Variants in ATP8B4 observed in about 807,000 individuals in gnomAD.
ATP8B4 encodes probable phospholipid-transporting ATPase IM.
ATP8B4 carries 133 observed loss-of-function variants against 145.6 expected under a neutral mutation model. The observed-to-expected ratio is 0.91, with a 90% CI of 0.79 to 1.05. The LOEUF is 1.05. ATP8B4 is among the 50% of genes least tolerant of loss of function. The pLI, the probability that ATP8B4 is intolerant of heterozygous loss-of-function variation, is 0.00. For synonymous variants in ATP8B4, 507 were observed against 492.9 expected, an observed-to-expected ratio of 1.03 and a Z score of -0.38; for missense variants, 1,458 against 1,425.2, an observed-to-expected ratio of 1.02 and a Z score of -0.37.
chr15:49,933,544 T>C (rs1051283760), intron 15 of ATP8B4, among the ~76,000 whole-genome samples: 10 of 152,072 alleles, frequency 6.6e-5, no homozygotes, highest in Non-Finnish European at 1.3e-4. Context: ...ACTATTCTAA[T>C]ATCAAGGTCA....
intron 12 of ATP8B4, among the ~76,000 whole-genome samples, chr15:49,977,851 C>G (rs966447696): frequency 6.6e-6 from 1 of 151,986 alleles, no homozygotes; most frequent in Non-Finnish European, 1.5e-5. Context: ...GAAATTAATT[C>G]TTTTAATCCC....
At chr15:50,151,359 G>C (rs573470689) in intron 1 of ATP8B4, among the ~76,000 whole-genome samples, 8 of 152,318 alleles carry the variant, frequency 5.3e-5, no homozygotes, top group African/African-American at 1.9e-4. Context: ...AACCAAGGCA[G>C]ATTTAGATTT....
chr15:49,898,810 G>A (rs183906309), intron 21 of ATP8B4, among the ~76,000 whole-genome samples: 4 of 152,236 alleles, frequency 2.6e-5, no homozygotes, highest in Non-Finnish European at 4.4e-5. Context: ...TGCAAAAGGG[G>A]GGCACGCAAG....
chr15:50,103,233 G>T (rs1401358364), intron 2 of ATP8B4, among the ~76,000 whole-genome samples: 1 of 152,118 alleles, frequency 6.6e-6, no homozygotes, highest in Non-Finnish European at 1.5e-5. Context: ...AGTACTGGAA[G>T]TCCTAGCCAG....
chr15:50,092,164 G>A (rs2055652486), intron 2 of ATP8B4, among the ~76,000 whole-genome samples: 1 of 152,008 alleles, frequency 6.6e-6, no homozygotes, highest in Non-Finnish European at 1.5e-5. Flanking sequence ...TATTTGATGA[G>A]ACAAACCAAT....
chr15:49,911,985 T>C (rs997307645), intron 20 of ATP8B4, among the ~76,000 whole-genome samples: 7 of 151,856 alleles, frequency 4.6e-5, no homozygotes, highest in African/African-American at 1.4e-4. Context: ...CTCAAACATA[T>C]GAAAATGGAA....
chr15:50,029,031 G>C (rs2050216306), intron 6 of ATP8B4, among the ~76,000 whole-genome samples: 1 of 151,794 alleles, frequency 6.6e-6, no homozygotes, highest in East Asian at 1.9e-4. Flanking sequence ...TCAGGAGATT[G>C]AGACTATCCT....
intron 1 of ATP8B4, among the ~76,000 whole-genome samples, chr15:50,132,371 A>T (rs2044059577): frequency 6.6e-6 from 1 of 152,222 alleles, no homozygotes; most frequent in African/African-American, 2.4e-5. Context: ...GCTCATCATC[A>T]CTGGTCATTA....
intron 3 of ATP8B4, among the ~76,000 whole-genome samples, chr15:50,059,845 T>A (rs561578311): frequency 6.6e-6 from 1 of 152,310 alleles, no homozygotes; most frequent in Admixed American, 6.5e-5. Flanking sequence ...AGGGGTGCTA[T>A]CAATGAGACA....
intron 6 of ATP8B4, among the ~76,000 whole-genome samples, chr15:50,027,114 T>C (rs141416223): frequency 8.5e-5 from 13 of 152,214 alleles, no homozygotes; most frequent in South Asian, 4.1e-4. Context: ...TCTGAGACAA[T>C]GAAATCCCTG....
At chr15:50,121,112 T>A (rs556091267), upstream of ATP8B4, among the ~76,000 whole-genome samples, 1 of 152,320 alleles carries the variant, frequency 6.6e-6, no homozygotes, top group South Asian at 2.1e-4. Context: ...ATCTCATTTT[T>A]AAAAAATATT....
In ATP8B4 at chr15:50,082,380, A is replaced by G. The variant is rs865853844; in HGVS notation, c.29-8195T>C. Reference sequence around the variant, plus strand: ...AAAACCAAAGAGAATAGAAGGAAAAAAAAACCTTCCCACAATTTTTTTACG... The same window carrying G: ...AAAACCAAAGAGAATAGAAGGAAAAGAAAACCTTCCCACAATTTTTTTACG... On this transcript the variant is annotated intron_variant, in intron 2 of 27. Transcript: ENST00000284509. 3.2e-4 allele frequency among the ~76,000 whole-genome samples: 49 copies of G among 152,328 alleles called. No individual in the cohort carries two copies. The Middle Eastern group carries it at 0.01, about 32-fold the overall frequency.
At chr15:50,082,135 G>A (rs978889824) in intron 2 of ATP8B4, among the ~76,000 whole-genome samples, 1 of 152,046 alleles carries the variant, frequency 6.6e-6, no homozygotes, top group Non-Finnish European at 1.5e-5. Flanking sequence ...TCATAATCTG[G>A]TCCATGTAGT....
intron 13 of ATP8B4, among the ~76,000 whole-genome samples, chr15:49,970,900 C>A (rs939239702): frequency 9.9e-5 from 15 of 152,184 alleles, no homozygotes; most frequent in African/African-American, 3.4e-4. Context: ...ACCAAAACAG[C>A]ATGTACTGCT....
At chr15:49,921,322 T>C (rs1328621283) in intron 17 of ATP8B4, among the ~76,000 whole-genome samples, 1 of 152,258 alleles carries the variant, frequency 6.6e-6, no homozygotes, top group Non-Finnish European at 1.5e-5. Flanking sequence ...CTATATTCTA[T>C]GAAGTTAGTA....
rs114983940 is a variant in ATP8B4, at chr15:49,980,748, A to G, written c.837+458T>C. On this transcript the variant is annotated intron_variant, in intron 11 of 27. Coordinates refer to ENST00000284509, the MANE Select transcript of ATP8B4 (RefSeq NM_024837.4). ...GGGACCTTCTGTCCTAAAAGTATTA[A>G]GAATTTCTAGATGGCAACAGAAGTT... Among the ~76,000 whole-genome samples the G allele has an allele frequency of 7.7e-4, 118 of 152,350 alleles. 1 individual carries two copies. The highest frequency in any genetic ancestry group is 2.8e-3 in the African/African-American group (115 of 41,592).
intron 6 of ATP8B4, among the ~76,000 whole-genome samples, chr15:50,036,930 A>T (rs1258570318): frequency 6.6e-6 from 1 of 152,234 alleles, no homozygotes; most frequent in Non-Finnish European, 1.5e-5. Flanking sequence ...TGAGTTACAA[A>T]GAGATACTAT....
chr15:49,946,785 G>A (rs948240253), intron 14 of ATP8B4, among the ~76,000 whole-genome samples: 2 of 152,030 alleles, frequency 1.3e-5, no homozygotes, highest in Admixed American at 6.6e-5. Flanking sequence ...AAGAAGCAGG[G>A]GCTGCCCCAG....
At chr15:49,941,806 G>A (rs947202624) in intron 14 of ATP8B4, among the ~76,000 whole-genome samples, 3 of 152,068 alleles carry the variant, frequency 2.0e-5, no homozygotes, top group Non-Finnish European at 4.4e-5. Context: ...GGCATCAACT[G>A]ATGAGTAAAT....
Sources: gnomAD v4.1 joint callset for allele counts (sites outside exome capture counted in the v4.1 genomes callset) on GRCh38, gnomAD v4.1.1 for gene constraint, MANE v1.5 for transcripts, NCBI Gene and HGNC (gene_info 2026-07-23, HGNC 2026-07-21) for gene names.